The following AASDHPPT variants were observed in gnomAD, a reference collection of about 807,000 sequenced individuals.
The protein encoded by AASDHPPT is L-aminoadipate-semialdehyde dehydrogenase-phosphopantetheinyl transferase.
AASDHPPT carries 23 observed loss-of-function variants against 36.4 expected under a neutral mutation model. That is an observed-to-expected ratio of 0.63 (90% CI 0.45 to 0.89). The LOEUF (loss-of-function observed/expected upper bound fraction) is 0.89, where lower values mean the gene tolerates loss of function less well. AASDHPPT is among the 40% of genes least tolerant of loss of function. AASDHPPT has a pLI of 0.00. For synonymous variants in AASDHPPT, 115 were observed against 128.0 expected (o/e 0.90, Z 0.68); for missense variants, 377 against 378.2 (o/e 1.00, Z 0.03).
chr11:106,086,775 A>G (rs1417871489), intron 2 of AASDHPPT, among the ~76,000 whole-genome samples: 2 of 152,182 alleles, frequency 1.3e-5, no homozygotes, highest in African/African-American at 4.8e-5. Context: ...GTGAAAGCAG[A>G]AAACAAGTCT....
chr11:106,092,321 G>A (rs955502801), intron 4 of AASDHPPT: 5 of 152,016 alleles, frequency 3.3e-5, no homozygotes, highest in Non-Finnish European at 7.4e-5. Flanking sequence ...TCCAGCAAAC[G>A]GGCTATAGAG....
rs1861333587 is a variant in AASDHPPT at position 106,097,906 on chromosome 11, T to G, written c.*999T>G. 1 of 152,138 alleles carries G rather than the reference T, an allele frequency of 6.6e-6. No homozygotes were observed. Among genetic ancestry groups the G allele is most frequent in the South Asian group, 2.1e-4 (1 of 4,828 alleles). 9.4% of individuals were successfully genotyped at this position (152,138 alleles called of 1,614,324 possible). A position where few individuals can be genotyped will look rare whatever the true frequency, so the allele number is the denominator to read the frequency against. ...CATAATTTACTCACTTTTTTCTGTG[T>G]TAGACATTTTGATTATCTGCAGTTT... is the stretch of plus-strand genomic sequence containing the variant. On this transcript the variant is annotated 3_prime_UTR_variant, in exon 6 of 6. Coordinates refer to ENST00000278618, the MANE Select transcript of AASDHPPT (RefSeq NM_015423.3).
chr11:106,084,901 CA>C (rs1438462045), intron 2 of AASDHPPT, among the ~76,000 whole-genome samples: 1 of 152,076 alleles, frequency 6.6e-6, no homozygotes, highest in Non-Finnish European at 1.5e-5. Flanking sequence ...AGGCGTGAGC[CA>C]TCACACCTGG....
intron 2 of AASDHPPT, among the ~76,000 whole-genome samples, chr11:106,088,652 A>G (rs1328638688): frequency 6.6e-6 from 1 of 152,110 alleles, no homozygotes; most frequent in Non-Finnish European, 1.5e-5. Flanking sequence ...TTATCAAGCC[A>G]GTATGTACTA....
rs1391501935 is a variant in AASDHPPT, at chr11:106,094,631, C to T, written c.742C>T (p.Pro248Ser). Residue 248 changes from proline (P) to serine (S), a missense_variant, in exon 5 of 6, where the codon CCC (proline) becomes TCC (serine). Transcript: ENST00000278618. ...TTTTGTTGCAGTTGCTCTTAGGAAA[C>T]CCGATGGATCTAGACATCAGGATGT... ...HHFVAVALRK[P>S]DGSRHQDVPS... 6.2e-7 allele frequency: 1 copy of T among 1,604,922 alleles called. No individual in the cohort carries two copies.
chr11:106,091,557 G>A (rs749934983), intron 4 of AASDHPPT, 80 bp downstream of exon 4: 69 of 1,408,634 alleles, frequency 4.9e-5, no homozygotes, highest in Non-Finnish European at 6.1e-5. Context: ...GGGTAAGCTA[G>A]TCACTGAATT....
chr11:106,096,856 C>A lies in AASDHPPT; in HGVS notation c.879C>A (p.Asp293Glu), dbSNP rs1290816424. The change falls in exon 6 of 6, where the codon GAC becomes GAA. Residue 293 changes from aspartate to glutamate, a missense_variant. Transcript: ENST00000278618. ...CACCTGAAGATCCTTCATTTTGGGA[C>A]TGTTTTTGCTTCACAGAAGAAATTC... Reference protein sequence around the residue: ...PMTPEDPSFWDCFCFTEEIPI... With the variant: ...PMTPEDPSFWECFCFTEEIPI... 9 of 1,610,926 alleles carry A rather than the reference C, an allele frequency of 5.6e-6. No homozygotes were observed. The highest frequency in any genetic ancestry group is 5.3e-5 in the African/African-American group (4 of 74,794).
At chr11:106,077,939 T>A in intron 1 of AASDHPPT, 46 bp downstream of exon 1, 1 of 1,584,932 alleles carries the variant, frequency 6.3e-7, no homozygotes, top group South Asian at 1.1e-5. Flanking sequence ...AAGCAGATCT[T>A]GGGGGAGGCG....
At chr11:106,083,159 C>T (rs1861161654) in intron 2 of AASDHPPT, among the ~76,000 whole-genome samples, 1 of 152,056 alleles carries the variant, frequency 6.6e-6, no homozygotes, top group Non-Finnish European at 1.5e-5. Flanking sequence ...AGGAGTTTTC[C>T]TCCTTCCCAG....
chr11:106,089,659 A>G (rs1301970136), intron 2 of AASDHPPT: 1 of 152,008 alleles, frequency 6.6e-6, no homozygotes, highest in African/African-American at 2.4e-5. Context: ...TTTATATAAA[A>G]TGAATGATGG....
intron 2 of AASDHPPT, among the ~76,000 whole-genome samples, chr11:106,080,092 A>G (rs571561274): frequency 5.8e-4 from 88 of 152,336 alleles, no homozygotes; most frequent in Non-Finnish European, 1.1e-3. Flanking sequence ...TACAGTTGAC[A>G]CATGAACAAC....
At chr11:106,078,037 C>A (rs569480141) in intron 1 of AASDHPPT, 144 bp downstream of exon 1, 4 of 1,131,238 alleles carry the variant, frequency 3.5e-6, no homozygotes, top group South Asian at 3.2e-5. Context: ...CAGCAGCCGG[C>A]GCTGCGGAGT....
chr11:106,081,411 G>A (rs1306830506), intron 2 of AASDHPPT, among the ~76,000 whole-genome samples: 2 of 152,124 alleles, frequency 1.3e-5, no homozygotes, highest in African/African-American at 2.4e-5. Flanking sequence ...GCTACATTTT[G>A]TATGATATGC....
chr11:106,081,588 A>G (rs904634239), intron 2 of AASDHPPT, among the ~76,000 whole-genome samples: 63 of 152,164 alleles, frequency 4.1e-4, no homozygotes, highest in Non-Finnish European at 1.0e-4. Flanking sequence ...AGAAATGGAA[A>G]GGCCATTGTT....
At chr11:106,077,983 G>A (rs1220253688) in intron 1 of AASDHPPT, 90 bp downstream of exon 1, 10 of 1,458,918 alleles carry the variant, frequency 6.9e-6, no homozygotes, top group African/African-American at 1.4e-5. Context: ...CTCCCGCGCT[G>A]GCCGCGACCC....
At chr11:106,086,520 C>CA (rs1400119604) in intron 2 of AASDHPPT, 1 of 152,284 alleles carries the variant, frequency 6.6e-6, no homozygotes, top group African/African-American at 2.4e-5. Flanking sequence ...AGACACCCTT[C>CA]AACCCAGTAG....
intron 2 of AASDHPPT, chr11:106,086,271 C>A (rs995446173): frequency 2.0e-5 from 3 of 152,226 alleles, no homozygotes; most frequent in African/African-American, 7.2e-5. Context: ...TTCCTAGTTT[C>A]TGCTCATTCC....
At chr11:106,085,195 G>A (rs1861184891) in intron 2 of AASDHPPT, among the ~76,000 whole-genome samples, 1 of 151,976 alleles carries the variant, frequency 6.6e-6, no homozygotes, top group Admixed American at 6.6e-5. Context: ...TCCGCCTCCT[G>A]GGTTCACACC....
At position 106,077,706 on chromosome 11, in the gene AASDHPPT, A is replaced by C; in HGVS notation, c.-5A>C. 1.2e-5 allele frequency: 20 copies of C among 1,608,516 alleles called. No individual in the cohort carries two copies. The highest frequency in any genetic ancestry group is 1.7e-5 in the Non-Finnish European group (20 of 1,175,752). ...CGAGATAGCGGCGAGGTCCGCTTTC[A>C]GTGTATGGTTTTCCCTGCCAAACGG... On this transcript the variant is annotated 5_prime_UTR_variant, in exon 1 of 6. Transcript: ENST00000278618.
Sources: allele counts gnomAD v4.1 joint callset (sites outside exome capture counted in the v4.1 genomes callset), GRCh38; gene constraint gnomAD v4.1.1; transcripts MANE v1.5; gene names NCBI Gene and HGNC (gene_info 2026-07-23, HGNC 2026-07-21).